Variants in STPG1 observed in about 807,000 individuals in gnomAD.
The protein encoded by STPG1 is O(6)-methylguanine-induced apoptosis 2.
A neutral mutation model predicts 40.1 loss-of-function variants in STPG1; 33 were observed. The observed-to-expected ratio is 0.82, with a 90% CI of 0.62 to 1.10. STPG1 has a LOEUF of 1.10. Among genes scored for constraint, STPG1 ranks in the 50% least tolerant of loss-of-function variants. The probability of loss-of-function intolerance (pLI) is 0.00; values close to 1 mark genes in which losing one functional copy is unlikely to be tolerated. For synonymous variants in STPG1, 150 were observed against 155.0 expected (o/e 0.97, Z 0.24); for missense variants, 396 against 415.1 (o/e 0.95, Z 0.40).
chr1:24,369,081 G>A (rs549355178), intron 7 of STPG1: 1 of 266,158 alleles, frequency 3.8e-6, no homozygotes, highest in East Asian at 1.1e-4. Flanking sequence ...AGGGCATGGA[G>A]GCTCAGAGAG....
At chr1:24,387,447 T>A (rs1413538824) in intron 3 of STPG1, among the ~76,000 whole-genome samples, 1 of 152,070 alleles carries the variant, frequency 6.6e-6, no homozygotes, top group Non-Finnish European at 1.5e-5. Context: ...AGCACACACA[T>A]TAACCTTGTG....
intron 2 of STPG1, among the ~76,000 whole-genome samples, chr1:24,396,828 C>T (rs1367083852): frequency 6.6e-6 from 1 of 152,180 alleles, no homozygotes; most frequent in Non-Finnish European, 1.5e-5. Flanking sequence ...TAGACTTAAA[C>T]TTATACACCA....
At chr1:24,375,662 A>T in intron 5 of STPG1, among the ~76,000 whole-genome samples, 1 of 152,210 alleles carries the variant, frequency 6.6e-6, no homozygotes. Flanking sequence ...GACAGACCTC[A>T]AAGCACAGTG....
upstream of STPG1, chr1:24,414,368 GA>G (rs750926198): frequency 0.035 from 4,919 of 142,268 alleles, 91 homozygotes; most frequent in African/African-American, 0.046. Context: ...TCTAACAGAA[GA>G]AAAAAAAAAA....
intron 2 of STPG1, among the ~76,000 whole-genome samples, chr1:24,398,990 T>C (rs1643113671): frequency 1.3e-5 from 2 of 152,222 alleles, no homozygotes; most frequent in African/African-American, 2.4e-5. Flanking sequence ...ATTGTAAAAT[T>C]TGTATAGCTA....
chr1:24,364,810 C>T (rs887685593), intron 7 of STPG1, among the ~76,000 whole-genome samples: 7 of 152,188 alleles, frequency 4.6e-5, no homozygotes, highest in Non-Finnish European at 8.8e-5. Context: ...GGCCCTGCCC[C>T]GTGGAAAGAA....
At chr1:24,366,201 G>A (rs779779099) in intron 7 of STPG1, among the ~76,000 whole-genome samples, 2 of 152,194 alleles carry the variant, frequency 1.3e-5, no homozygotes, top group Non-Finnish European at 2.9e-5. Context: ...CATGGCACGC[G>A]TGTGTTCCCG....
At position 24,358,419 on chromosome 1, in the gene STPG1, G is replaced by GT. The variant is rs1268629489; in HGVS notation, c.*123dup. ...CCGGCTAGGATGCCAGGCCAGAGTGGTAGAGCCACCCCCCAAGTTGTCAGC... is the reference window on the plus strand; with the variant it reads ...CCGGCTAGGATGCCAGGCCAGAGTGGTTAGAGCCACCCCCCAAGTTGTCAGC... On this transcript the variant is annotated 3_prime_UTR_variant, in exon 9 of 9. Transcript: ENST00000337248. 1.2e-6 allele frequency: 1 copy of GT among 839,060 alleles called. No individual in the cohort carries two copies. The highest frequency in any genetic ancestry group is 2.4e-5 in the East Asian group (1 of 41,006). 52.0% of individuals were successfully genotyped at this position (839,060 alleles called of 1,614,324 possible).
chr1:24,401,813 A>T (rs889851208), intron 1 of STPG1, among the ~76,000 whole-genome samples: 2 of 152,068 alleles, frequency 1.3e-5, no homozygotes, highest in African/African-American at 2.4e-5. Context: ...CTCCTGCCTT[A>T]GCCTCCTCAG....
At chr1:24,380,013 G>A (rs1045476993) in intron 4 of STPG1, among the ~76,000 whole-genome samples, 190 bp from the exon 5 acceptor site, 2 of 152,182 alleles carry the variant, frequency 1.3e-5, no homozygotes, top group African/African-American at 2.4e-5. Context: ...GTTCAGACCT[G>A]TACTCGCTTC....
chr1:24,405,098 C>T (rs1643363775), intron 1 of STPG1, among the ~76,000 whole-genome samples: 1 of 152,314 alleles, frequency 6.6e-6, no homozygotes, highest in South Asian at 2.1e-4. Flanking sequence ...GCTGGGATTA[C>T]AGGCACTCCC....
At chr1:24,404,536 G>T (rs1006126901) in intron 1 of STPG1, among the ~76,000 whole-genome samples, 1 of 152,152 alleles carries the variant, frequency 6.6e-6, no homozygotes, top group African/African-American at 2.4e-5. Context: ...AAGTTAAGCC[G>T]TCTGGGCCTG....
At chr1:24,364,382 T>C (rs1641319734) in intron 7 of STPG1, 4 of 1,530,674 alleles carry the variant, frequency 2.6e-6, no homozygotes, top group Non-Finnish European at 3.5e-6. Flanking sequence ...CACACCCACC[T>C]GGAGGAGAGG....
intron 1 of STPG1, chr1:24,410,851 G>C (rs1389852199): frequency 6.6e-6 from 1 of 151,894 alleles, no homozygotes; most frequent in African/African-American, 2.4e-5. Flanking sequence ...ACCACTTTCC[G>C]AATCAACAAC....
intron 4 of STPG1, among the ~76,000 whole-genome samples, chr1:24,381,699 T>C (rs531145256): frequency 6.6e-6 from 1 of 152,264 alleles, no homozygotes; most frequent in Non-Finnish European, 1.5e-5. Flanking sequence ...CTAAAATTTA[T>C]AGACCCACAG....
chr1:24,386,180 T>C (rs1642495997), intron 3 of STPG1, among the ~76,000 whole-genome samples: 1 of 152,236 alleles, frequency 6.6e-6, no homozygotes, highest in South Asian at 2.1e-4. Flanking sequence ...TGGGACATAC[T>C]TGTACTAACA....
chr1:24,374,113 C>T lies in STPG1; in HGVS notation c.463-303G>A, dbSNP rs181328371. Among the ~76,000 whole-genome samples the T allele has an allele frequency of 1.9e-4, 29 of 152,228 alleles. No homozygotes were observed. The East Asian group carries it at 2.9e-3, about 15-fold the overall frequency. ...CTGCTAAGGACAGGCTGTGTGGCCC[C>T]GCATCAGTTCTGTAACCTCTCTGAA... On this transcript the variant is annotated intron_variant, in intron 5 of 8. Coordinates refer to ENST00000337248, the MANE Select transcript of STPG1 (RefSeq NM_001199013.2).
chr1:24,400,017 C>T (rs1570089735), intron 2 of STPG1, among the ~76,000 whole-genome samples: 4 of 152,206 alleles, frequency 2.6e-5, no homozygotes, highest in African/African-American at 9.6e-5. Context: ...CAGTTCCACT[C>T]CTCAGGTATA....
chr1:24,386,985 G>A (rs1008736604), intron 3 of STPG1, among the ~76,000 whole-genome samples: 6 of 150,954 alleles, frequency 4.0e-5, no homozygotes, highest in Admixed American at 3.9e-4. Flanking sequence ...GAACAGCGCC[G>A]ATGCGGCCCG....
Sources: gnomAD v4.1 joint callset for allele counts (sites outside exome capture counted in the v4.1 genomes callset) on GRCh38, gnomAD v4.1.1 for gene constraint, MANE v1.5 for transcripts, NCBI Gene and HGNC (gene_info 2026-07-23, HGNC 2026-07-21) for gene names.